The following CEP68 variants were observed in gnomAD, a reference collection of about 807,000 sequenced individuals.
CEP68 encodes centrosomal protein 68, also known as centrosomal protein of 68 kDa.
In CEP68, 26 loss-of-function variants were observed where a neutral mutation model predicts 55.3. The ratio of observed to expected loss-of-function variants is 0.47; its 90% confidence interval spans 0.34 to 0.65. The LOEUF (loss-of-function observed/expected upper bound fraction) is 0.65, where lower values mean the gene tolerates loss of function less well. CEP68 is among the 30% of genes least tolerant of loss of function. The pLI is 0.01. For missense variants in CEP68, 957 were observed against 946.7 expected, an observed-to-expected ratio of 1.01 and a Z score of -0.14; for synonymous variants, 402 against 383.2, an observed-to-expected ratio of 1.05 and a Z score of -0.57.
chr2:65,077,046 A>G (rs1406658846), intron 4 of CEP68, among the ~76,000 whole-genome samples: 1 of 121,822 alleles, frequency 8.2e-6, no homozygotes, highest in Admixed American at 1.1e-4. Context: ...CCCAGGCTGG[A>G]GTGCAATGGT....
intron 4 of CEP68, 131 bp from the exon 5 acceptor site, chr2:65,077,737 G>A (rs959753502): frequency 3.6e-5 from 21 of 588,962 alleles, no homozygotes; most frequent in Admixed American, 1.9e-4. Flanking sequence ...GGGGAATTCT[G>A]CAGACCTGAT....
chr2:65,056,611 C>CG (rs145356675), intron 1 of CEP68, 83 bp downstream of exon 1: 152,106 of 152,108 alleles, frequency 1, 76,052 homozygotes, highest in Middle Eastern at 1. Context: ...TCCGCGCGCG[C>CG]GCCCGGCCCC....
chr2:65,080,133 C>CA (rs397984856), intron 5 of CEP68: 60,496 of 521,276 alleles, frequency 0.12, 485 homozygotes, highest in Non-Finnish European at 0.12. Context: ...AATTCCTTCT[C>CA]AAAAAAAAAA....
chr2:65,084,316 C>G lies in CEP68; in HGVS notation c.*682C>G, dbSNP rs1238351507. ...TTGGGGATCTACAGTCATGCTTTAG[C>G]ATGGCTATGGAGCTAATTATCAAGC... On this transcript the variant is annotated 3_prime_UTR_variant, in exon 7 of 7. Coordinates refer to ENST00000377990, the MANE Select transcript of CEP68 (RefSeq NM_015147.3). 4 of 152,150 alleles carry G rather than the reference C, an allele frequency of 2.6e-5. No individual in the cohort carries two copies. Among genetic ancestry groups the G allele is most frequent in the Non-Finnish European group, 5.9e-5 (4 of 68,018 alleles). The allele number at this position is 152,150 out of a possible 1,614,324, so 9.4% of individuals were successfully genotyped here.
intron 1 of CEP68, among the ~76,000 whole-genome samples, chr2:65,063,809 T>C (rs1192290105): frequency 6.6e-6 from 1 of 152,240 alleles, no homozygotes; most frequent in East Asian, 1.9e-4. Context: ...TAAAAGAGGT[T>C]TGTCTTCAGT....
chr2:65,056,668 C>A (rs1474465940), intron 1 of CEP68, 140 bp downstream of exon 1: 1 of 152,016 alleles, frequency 6.6e-6, no homozygotes, highest in Non-Finnish European at 1.5e-5. Context: ...CGGTGCGGGC[C>A]GTCTGGCCTC....
Position 65,071,608 on chromosome 2 carries a change from ACAGCT to A in CEP68, c.516_520del (p.Ser172ArgfsTer85). ...GCACTGGACCTCAGCCAGCAGCCTC[ACAGCT>A]CAGGTCTCTCTTGCCTGTCACAGTG... On this transcript the variant is annotated frameshift_variant, in exon 3 of 7. Coordinates refer to ENST00000377990, the MANE Select transcript of CEP68 (RefSeq NM_015147.3). LOFTEE classifies it high-confidence loss of function. 1 of 1,614,052 alleles carries A rather than the reference ACAGCT, an allele frequency of 6.2e-7. No individual in the cohort carries two copies.
chr2:65,077,991 G>GC (rs766781808), intron 5 of CEP68, 27 bp downstream of exon 5: 2 of 1,572,268 alleles, frequency 1.3e-6, no homozygotes, highest in Non-Finnish European at 1.7e-6. Context: ...TTTGGATTTA[G>GC]CCAGAGCTTA....
rs1184417980 is a variant in CEP68, at chr2:65,082,590, A to G, written c.2159A>G (p.His720Arg). 2 of 1,608,898 alleles carry G rather than the reference A, an allele frequency of 1.2e-6. No homozygotes were observed. The highest frequency in any genetic ancestry group is 2.7e-5 in the African/African-American group (2 of 74,570). ...AAGCAGTCTGGTGAGCTGGAGAGCC[A>G]CGCAGATCGCCTGTATGACTCTATC... ...IAKQSGELESHADRLYDSILA... is the reference protein window; with the variant it reads ...IAKQSGELESRADRLYDSILA... The change falls in exon 6 of 7, where the codon CAC (histidine) becomes CGC (arginine). Residue 720 changes from histidine (H) to arginine (R), a missense_variant. His to Arg is a conservative substitution (Grantham distance 29, BLOSUM62 0). Coordinates refer to ENST00000377990, the MANE Select transcript of CEP68 (RefSeq NM_015147.3).
At chr2:65,065,482 T>A (rs1676121579) in intron 1 of CEP68, among the ~76,000 whole-genome samples, 1 of 152,244 alleles carries the variant, frequency 6.6e-6, no homozygotes, top group South Asian at 2.1e-4. Flanking sequence ...AAACCGTGAC[T>A]CTGCCACTTG....
chr2:65,082,650 T>G lies in CEP68; in HGVS notation c.2219T>G (p.Leu740Arg), dbSNP rs1668887068. ...CTGGACATGCTGGCTGGCTGCACCCTTATCCCTGACAAAAAGCCCATGGCG... is the reference window on the plus strand; with the variant it reads ...CTGGACATGCTGGCTGGCTGCACCCGTATCCCTGACAAAAAGCCCATGGCG... The part of the protein sequence containing the change: ...ASLDMLAGCT[L>R]IPDKKPMAAM... The change falls in exon 6 of 7, where the codon CTT becomes CGT. Residue 740 changes from leucine to arginine, a missense_variant. Physicochemically the swap from Leu to Arg is moderately radical, Grantham distance 102. Transcript: ENST00000377990. The G allele has an allele frequency of 1.2e-6, 2 of 1,610,810 alleles. No homozygotes were observed. Among genetic ancestry groups the G allele is most frequent in the Non-Finnish European group, 1.7e-6 (2 of 1,179,038 alleles).
In CEP68 at chr2:65,072,998, T is replaced by C. The variant is rs1184330896; in HGVS notation, c.1884+18T>C. On this transcript the variant is annotated intron_variant, in intron 3 of 6. Transcript: ENST00000377990. ...GTGTGAAGGTAATGACACTCAACGT[T>C]AGGAAGCTTTGTGTACAGGTGTCTT... 1 of 1,613,694 alleles carries C rather than the reference T, an allele frequency of 6.2e-7. No individual in the cohort carries two copies. The highest frequency in any genetic ancestry group is 1.7e-5 in the Admixed American group (1 of 60,030).
In CEP68 at chr2:65,077,008, T is replaced by C. The variant is rs1241529630; in HGVS notation, c.2008-860T>C. ...ATTTGACTTTACCTTTTTTTTTTTT[T>C]TTTTTTGAGACGGAGCCTCTCTTAC... On this transcript the variant is annotated intron_variant, in intron 4 of 6. Coordinates refer to ENST00000377990, the MANE Select transcript of CEP68 (RefSeq NM_015147.3). Among the ~76,000 whole-genome samples, 30 of 40,012 alleles carry C rather than the reference T, an allele frequency of 7.5e-4. No individual in the cohort carries two copies. In the Admixed American group the frequency reaches 8.2e-3, roughly 11 times the overall value. The allele number at this position is 40,012 out of a possible 152,430, so 26.2% of individuals were successfully genotyped here. A position where few individuals can be genotyped will look rare whatever the true frequency, so the allele number is the denominator to read the frequency against.
chr2:65,077,053 T>C (rs1249281766), intron 4 of CEP68, among the ~76,000 whole-genome samples: 3 of 139,638 alleles, frequency 2.1e-5, no homozygotes, highest in Non-Finnish European at 4.5e-5. Flanking sequence ...TGGAGTGCAA[T>C]GGTGTGATCT....
intron 3 of CEP68, 83 bp from the exon 4 acceptor site, chr2:65,074,199 T>G (rs1676647975): frequency 1.3e-6 from 2 of 1,535,522 alleles, no homozygotes; most frequent in Non-Finnish European, 1.8e-6. Flanking sequence ...TGTCTCCAAG[T>G]CCTCCTGATA....
At position 65,069,383 on chromosome 2, in the gene CEP68, T is replaced by C; in HGVS notation, c.-46-16T>C. 8.0e-7 allele frequency: 1 copy of C among 1,251,166 alleles called. No homozygotes were observed. The highest frequency in any genetic ancestry group is 1.9e-5 in the South Asian group (1 of 53,808). The allele number at this position is 1,251,166 out of a possible 1,614,324, so 77.5% of individuals were successfully genotyped here. A position where few individuals can be genotyped will look rare whatever the true frequency, so the allele number is the denominator to read the frequency against. ...TAGAAGATTTATATTTTTCTCTCCCTTCCCCTGTTTTGTAGGAAGCTGAAG... is the reference window on the plus strand; with the variant it reads ...TAGAAGATTTATATTTTTCTCTCCCCTCCCCTGTTTTGTAGGAAGCTGAAG... On this transcript the variant is annotated splice_polypyrimidine_tract_variant and intron_variant, in intron 1 of 6. Coordinates refer to ENST00000377990, the MANE Select transcript of CEP68 (RefSeq NM_015147.3).
In CEP68 at chr2:65,071,711, C is replaced by T. The variant is rs1419127720; in HGVS notation, c.615C>T (p.Ser205=). Residue 205 remains serine (S), a synonymous_variant, in exon 3 of 7, where the codon AGC becomes AGT. Coordinates refer to ENST00000377990, the MANE Select transcript of CEP68 (RefSeq NM_015147.3). ...SCSISASSTG[S]SLQGHQERAE... is the part of the protein sequence containing the mutation. ...GCATCTCTGCTTCCTCCACAGGCAG[C>T]AGTCTCCAGGGTCACCAGGAGAGGG... 1 of 1,614,102 alleles carries T rather than the reference C, an allele frequency of 6.2e-7. No individual in the cohort carries two copies. Among genetic ancestry groups the T allele is most frequent in the Admixed American group, 1.7e-5 (1 of 60,022 alleles).
intron 5 of CEP68, chr2:65,080,178 C>G (rs1336028797): frequency 2.1e-6 from 2 of 944,464 alleles, no homozygotes; most frequent in Non-Finnish European, 2.5e-6. Context: ...TTTTGACCTT[C>G]ATTTTAAAAT....
At chr2:65,066,376 C>A (rs994830520) in intron 1 of CEP68, among the ~76,000 whole-genome samples, 6 of 151,652 alleles carry the variant, frequency 4.0e-5, no homozygotes, top group African/African-American at 1.2e-4. Context: ...GCGGGTGGAT[C>A]ACGAGGTCAG....
Sources: gnomAD v4.1 joint callset for allele counts (sites outside exome capture counted in the v4.1 genomes callset) on GRCh38, gnomAD v4.1.1 for gene constraint, MANE v1.5 for transcripts, NCBI Gene and HGNC (gene_info 2026-07-23, HGNC 2026-07-21) for gene names.